Variants in FAM149B1 observed in about 807,000 individuals in gnomAD.
FAM149B1 encodes primary cilium assembly protein FAM149B1.
Under a neutral mutation model 75.3 loss-of-function variants are expected in FAM149B1, and 56 were observed. The observed-to-expected ratio is 0.74, with a 90% CI of 0.60 to 0.93. FAM149B1 has a LOEUF of 0.93. FAM149B1 is among the 40% of genes least tolerant of loss of function. The pLI is 0.00. For synonymous variants in FAM149B1, 259 were observed against 256.1 expected (o/e 1.01, Z -0.11); for missense variants, 639 against 708.4 (o/e 0.90, Z 1.11).
intron 5 of FAM149B1, among the ~76,000 whole-genome samples, chr10:73,207,484 A>C (rs1161594325): frequency 2.0e-5 from 3 of 152,070 alleles, no homozygotes; most frequent in Non-Finnish European, 4.4e-5. Flanking sequence ...GAACTGCTTG[A>C]ACCCGGGAGG....
In FAM149B1 at chr10:73,210,333, T is replaced by C. The variant is rs1202472299; in HGVS notation, c.793T>C (p.Cys265Arg). 6.4e-7 allele frequency: 1 copy of C among 1,551,154 alleles called. No homozygotes were observed. Among genetic ancestry groups the C allele is most frequent in the Admixed American group, 2.0e-5 (1 of 51,010 alleles). ...GTATCCTCCCATTGCTCCATTTTAC[T>C]GCATGAAAGAAGATGTCCTTGCTTA... ...LGYPPIAPFY[C>R]MKEDVLAYVF... The change falls in exon 7 of 14, where the codon TGC becomes CGC. Residue 265 changes from cysteine to arginine, a missense_variant. Transcript: ENST00000242505.
chr10:73,196,200 G>T (rs112857666), intron 5 of FAM149B1, among the ~76,000 whole-genome samples: 4 of 152,070 alleles, frequency 2.6e-5, no homozygotes, highest in Non-Finnish European at 5.9e-5. Context: ...ACTTTAAGGA[G>T]ACTTACTTTG....
Position 73,242,395 on chromosome 10 carries a change from T to C in FAM149B1, c.*1376T>C, listed in dbSNP as rs886693864. Reference sequence around the variant, plus strand: ...GTTCACTATAACAACTGGATCAATATGGCTTGCCTTTCAAAGTTAAAGAAT... The same window carrying C: ...GTTCACTATAACAACTGGATCAATACGGCTTGCCTTTCAAAGTTAAAGAAT... On this transcript the variant is annotated 3_prime_UTR_variant, in exon 14 of 14. Coordinates refer to ENST00000242505, the MANE Select transcript of FAM149B1 (RefSeq NM_173348.2). The C allele has an allele frequency of 1.3e-5, 2 of 151,144 alleles. No homozygotes were observed. The highest frequency in any genetic ancestry group is 6.6e-5 in the Admixed American group (1 of 15,206). 9.4% of individuals were successfully genotyped at this position (151,144 alleles called of 1,614,324 possible).
chr10:73,172,696 C>T (rs6480675), intron 1 of FAM149B1, among the ~76,000 whole-genome samples: 23,968 of 151,924 alleles, frequency 0.16, 3,148 homozygotes, highest in African/African-American at 0.34. Flanking sequence ...AATGATTGAC[C>T]CCATAGCTTA....
intron 7 of FAM149B1, among the ~76,000 whole-genome samples, chr10:73,221,258 G>T (rs1000901849): frequency 4.6e-5 from 7 of 152,112 alleles, no homozygotes; most frequent in Non-Finnish European, 8.8e-5. Context: ...TTAAAATGAT[G>T]AATTTTATGT....
chr10:73,222,424 C>CT lies in FAM149B1; in HGVS notation c.899-5626dup, dbSNP rs767599550. 2.5e-4 allele frequency among the ~76,000 whole-genome samples: 37 copies of CT among 150,252 alleles called. No homozygotes were observed. In the East Asian group the frequency reaches 3.5e-3, roughly 14 times the overall value. ...CAGCAAGTACTGTTCCCTTCTTTCA[C>CT]TTTTTTTTTTCCTAGCCTCAGGTGG... On this transcript the variant is annotated intron_variant, in intron 7 of 13. Transcript: ENST00000242505.
chr10:73,188,623 G>A lies in FAM149B1; in HGVS notation c.283-3933G>A, dbSNP rs192778262. On this transcript the variant is annotated intron_variant, in intron 3 of 13. Transcript: ENST00000242505. ...TGTAATCCCAGCTACTCTGGAGGCTGAGGCAGAGAATTGCTTGAACCTGGG... is the reference window on the plus strand; with the variant it reads ...TGTAATCCCAGCTACTCTGGAGGCTAAGGCAGAGAATTGCTTGAACCTGGG... Among the ~76,000 whole-genome samples the A allele has an allele frequency of 2.6e-5, 4 of 152,202 alleles. No homozygotes were observed. The East Asian group carries it at 5.8e-4, about 22-fold the overall frequency.
chr10:73,211,991 C>A (rs922261969), intron 7 of FAM149B1, among the ~76,000 whole-genome samples: 1 of 152,168 alleles, frequency 6.6e-6, no homozygotes, highest in African/African-American at 2.4e-5. Flanking sequence ...TTATTACACT[C>A]TGTATGTCCA....
intron 5 of FAM149B1, among the ~76,000 whole-genome samples, chr10:73,203,175 C>G (rs1326094389): frequency 6.6e-6 from 1 of 152,124 alleles, no homozygotes; most frequent in South Asian, 2.1e-4. Flanking sequence ...TCGCTTTCCA[C>G]GTAGCAGAAA....
chr10:73,204,907 T>G (rs1361101394), intron 5 of FAM149B1, among the ~76,000 whole-genome samples: 1 of 134,596 alleles, frequency 7.4e-6, no homozygotes, highest in Non-Finnish European at 1.6e-5. Context: ...CCTCCCAAAG[T>G]GCTGGGACTA....
At chr10:73,175,845 T>C (rs777169360) in intron 2 of FAM149B1, among the ~76,000 whole-genome samples, 3 of 152,086 alleles carry the variant, frequency 2.0e-5, no homozygotes, top group Admixed American at 6.6e-5. Context: ...CTGAGTAACA[T>C]TGGGAAAATT....
intron 10 of FAM149B1, among the ~76,000 whole-genome samples, chr10:73,233,952 A>T (rs1467613220): frequency 6.6e-6 from 1 of 152,080 alleles, no homozygotes; most frequent in East Asian, 1.9e-4. Context: ...ATCCCTTAGC[A>T]CTTCCTAGGA....
At chr10:73,178,489 C>CAA (rs10646694) in intron 3 of FAM149B1, among the ~76,000 whole-genome samples, 16,103 of 135,812 alleles carry the variant, frequency 0.12, 1,277 homozygotes, top group East Asian at 0.31. Flanking sequence ...GAAACTGTCT[C>CAA]AAAAAAAAAA....
intron 7 of FAM149B1, among the ~76,000 whole-genome samples, chr10:73,213,689 A>G (rs574953716): frequency 2.6e-5 from 4 of 152,088 alleles, no homozygotes; most frequent in African/African-American, 9.6e-5. Flanking sequence ...CTGTGTGTCT[A>G]TTTTTATACC....
At chr10:73,173,876 G>T (rs1589131919) in intron 1 of FAM149B1, among the ~76,000 whole-genome samples, 1 of 152,066 alleles carries the variant, frequency 6.6e-6, no homozygotes, top group Non-Finnish European at 1.5e-5. Flanking sequence ...GCATATAAAT[G>T]GGCTCACACA....
At chr10:73,228,480 TTA>T (rs1386594803) in intron 8 of FAM149B1, among the ~76,000 whole-genome samples, 1 of 152,194 alleles carries the variant, frequency 6.6e-6, no homozygotes, top group Non-Finnish European at 1.5e-5. Context: ...GAGGATACCC[TTA>T]TGATAAAAAT....
chr10:73,183,819 C>T (rs1014416017), intron 3 of FAM149B1, among the ~76,000 whole-genome samples: 5 of 152,210 alleles, frequency 3.3e-5, no homozygotes, highest in African/African-American at 1.2e-4. Flanking sequence ...CAGAGGGACA[C>T]GCTGTGAAAA....
chr10:73,180,508 A>G (rs897518378), intron 3 of FAM149B1, among the ~76,000 whole-genome samples: 3 of 152,204 alleles, frequency 2.0e-5, no homozygotes, highest in Admixed American at 1.3e-4. Context: ...AGTTCTCTCT[A>G]TATTATGATT....
chr10:73,200,085 T>C (rs2042897183), intron 5 of FAM149B1: 1 of 171,482 alleles, frequency 5.8e-6, no homozygotes, highest in Admixed American at 5.7e-5. Flanking sequence ...TCCCAGCACT[T>C]TGGGAGGCCG....
Sources: gnomAD v4.1 joint callset for allele counts (sites outside exome capture counted in the v4.1 genomes callset) on GRCh38, gnomAD v4.1.1 for gene constraint, MANE v1.5 for transcripts, NCBI Gene and HGNC (gene_info 2026-07-23, HGNC 2026-07-21) for gene names.